Variants in MYO16 observed in about 807,000 individuals in gnomAD.
The protein encoded by MYO16 is myosin XVI.
A neutral mutation model predicts 205.3 loss-of-function variants in MYO16; 94 were observed. The ratio of observed to expected loss-of-function variants is 0.46; its 90% CI spans 0.39 to 0.54. MYO16 has a LOEUF of 0.54. MYO16 is among the 20% of genes least tolerant of loss of function. The pLI is 0.00. For synonymous variants in MYO16, 988 were observed against 954.0 expected, an observed-to-expected ratio of 1.04 and a Z score of -0.66; for missense variants, 2,315 against 2,387.5, an observed-to-expected ratio of 0.97 and a Z score of 0.63.
chr13:108,967,153 A>ATGTGTG (rs568054141), intron 20 of MYO16, among the ~76,000 whole-genome samples: 2,844 of 150,932 alleles, frequency 0.019, 64 homozygotes, highest in African/African-American at 0.06. Context: ...CTGACTATAT[A>ATGTGTG]TATGTGTGTG....
Position 108,972,366 on chromosome 13 carries a change from A to C in MYO16, c.2369+7464A>C, listed in dbSNP as rs1228203091. On this transcript the variant is annotated intron_variant, in intron 20 of 34. Transcript: ENST00000457511. The stretch of plus-strand genomic sequence containing the variant: ...TATATATAGCCATATATATATATAT[A>C]TATATATATATATATATATATATAT... 1.8e-3 allele frequency among the ~76,000 whole-genome samples: 65 copies of C among 36,618 alleles called. 12 individuals are homozygous for C. Among genetic ancestry groups the C allele is most frequent in the East Asian group, 6.3e-3 (8 of 1,272 alleles). The allele number at this position is 36,618 out of a possible 152,430, so 24.0% of individuals were successfully genotyped here.
the MYO16 span, among the ~76,000 whole-genome samples, chr13:108,543,999 A>C: frequency 7.4e-6 from 1 of 135,414 alleles, no homozygotes; most frequent in Non-Finnish European, 1.5e-5. Flanking sequence ...TGGGAGGCGG[A>C]GGTTGCAGTG....
chr13:108,641,866 A>T (rs780792554), intron 1 of MYO16, among the ~76,000 whole-genome samples: 3 of 152,186 alleles, frequency 2.0e-5, no homozygotes, highest in Non-Finnish European at 4.4e-5. Context: ...AATTCAGTAA[A>T]TCATGGCCTG....
chr13:108,955,959 T>G (rs1290591828), intron 16 of MYO16, among the ~76,000 whole-genome samples: 1 of 152,224 alleles, frequency 6.6e-6, no homozygotes, highest in Admixed American at 6.5e-5. Context: ...TCCTCAGCCC[T>G]AATTCCAGCG....
At chr13:108,795,727 A>G (rs1022893910) in intron 6 of MYO16, among the ~76,000 whole-genome samples, 1 of 152,244 alleles carries the variant, frequency 6.6e-6, no homozygotes, top group African/African-American at 2.4e-5. Context: ...ACAAAATAAT[A>G]GTGACCAAAA....
intron 1 of MYO16, among the ~76,000 whole-genome samples, chr13:108,617,983 C>G (rs962483526): frequency 1.3e-5 from 2 of 152,078 alleles, no homozygotes; most frequent in African/African-American, 4.8e-5. Context: ...GAAAGCTGGT[C>G]TTCTCTCTCA....
At chr13:108,821,567 G>A (rs9514925) in intron 8 of MYO16, among the ~76,000 whole-genome samples, 129,185 of 152,172 alleles carry the variant, frequency 0.85, 58,743 homozygotes, top group Non-Finnish European at 1. Context: ...CTCTAGTCTG[G>A]TTCTAACAGT....
chr13:108,761,044 G>A (rs926511254), intron 4 of MYO16, among the ~76,000 whole-genome samples: 2 of 152,068 alleles, frequency 1.3e-5, no homozygotes, highest in Admixed American at 6.6e-5. Flanking sequence ...CATTGTGCAC[G>A]TGTGCACACA....
At chr13:108,796,650 A>C (rs1886797248) in intron 6 of MYO16, among the ~76,000 whole-genome samples, 1 of 152,002 alleles carries the variant, frequency 6.6e-6, no homozygotes, top group Non-Finnish European at 1.5e-5. Context: ...CATCATTTTC[A>C]GCAAACTATC....
chr13:108,556,524 G>C, the MYO16 span, among the ~76,000 whole-genome samples: 5 of 151,884 alleles, frequency 3.3e-5, no homozygotes, highest in African/African-American at 1.2e-4. Flanking sequence ...TATGTATTTT[G>C]GATAATAATC....
chr13:108,559,360 C>T, the MYO16 span, among the ~76,000 whole-genome samples: 2 of 152,026 alleles, frequency 1.3e-5, no homozygotes, highest in African/African-American at 4.8e-5. Context: ...AGAGGGCATG[C>T]CCTGCCAACA....
At chr13:109,153,854 C>T (rs1033725710) in intron 32 of MYO16, among the ~76,000 whole-genome samples, 3 of 152,234 alleles carry the variant, frequency 2.0e-5, no homozygotes, top group African/African-American at 4.8e-5. Flanking sequence ...GCCTGGCCAC[C>T]TCATGGTGTC....
intron 2 of MYO16, among the ~76,000 whole-genome samples, chr13:108,707,163 G>A (rs941450751): frequency 2.6e-5 from 4 of 152,118 alleles, no homozygotes; most frequent in African/African-American, 4.8e-5. Flanking sequence ...CCAACAACCT[G>A]GCTAGACCCT....
rs918613867 is a variant in MYO16 at position 108,770,841 on chromosome 13, T to C, written c.508-14794T>C. Among the ~76,000 whole-genome samples the C allele has an allele frequency of 5.3e-5, 8 of 152,286 alleles. No individual in the cohort carries two copies. The East Asian group carries it at 1.2e-3, about 22-fold the overall frequency. ...ATTCGAATGTGGTGAGATCAGCCCC[T>C]ACCTAGACAACAAGTCTAGGTCATC... On this transcript the variant is annotated intron_variant, in intron 4 of 34. Coordinates refer to ENST00000457511, the MANE Select transcript of MYO16 (RefSeq NM_001198950.3).
the MYO16 span, among the ~76,000 whole-genome samples, chr13:108,554,828 C>T: frequency 0.06 from 7,225 of 119,424 alleles, 549 homozygotes; most frequent in African/African-American, 0.2. Context: ...CCAGCCTGGG[C>T]GACAGAGAGA....
At chr13:108,500,796 T>C in the MYO16 span, among the ~76,000 whole-genome samples, 2 of 152,132 alleles carry the variant, frequency 1.3e-5, no homozygotes, top group African/African-American at 4.8e-5. Context: ...AATTTAGCCA[T>C]GAAACCTGTG....
At chr13:108,942,109 C>T (rs1244906324) in intron 16 of MYO16, among the ~76,000 whole-genome samples, 1 of 152,166 alleles carries the variant, frequency 6.6e-6, no homozygotes, top group African/African-American at 2.4e-5. Context: ...GGCTAACAGG[C>T]CTGCATTTGA....
intron 1 of MYO16, among the ~76,000 whole-genome samples, chr13:108,654,768 A>T (rs1881166463): frequency 1.3e-5 from 2 of 152,192 alleles, no homozygotes; most frequent in Non-Finnish European, 1.5e-5. Context: ...GTGGTCTCAG[A>T]TGGAGATGAG....
chr13:108,952,033 C>A (rs947394338), intron 16 of MYO16, among the ~76,000 whole-genome samples: 12 of 151,858 alleles, frequency 7.9e-5, no homozygotes, highest in African/African-American at 2.9e-4. Context: ...ATTGCTTGAA[C>A]CTGGGAGGCG....
Sources: allele counts gnomAD v4.1 joint callset (sites outside exome capture counted in the v4.1 genomes callset), GRCh38; gene constraint gnomAD v4.1.1; transcripts MANE v1.5; gene names NCBI Gene and HGNC (gene_info 2026-07-23, HGNC 2026-07-21).